Variants in OPN5 observed in about 807,000 individuals in gnomAD.
The protein encoded by OPN5 is opsin 5.
Under a neutral mutation model 41.7 loss-of-function variants are expected in OPN5, and 18 were observed. The ratio of observed to expected loss-of-function variants is 0.43; its 90% CI spans 0.30 to 0.64. OPN5 has a LOEUF of 0.64. Ranked by LOEUF, OPN5 falls within the 30% of genes least tolerant of loss-of-function variation. The pLI, the probability that OPN5 is intolerant of heterozygous loss-of-function variation, is 0.13. For synonymous variants in OPN5, 178 were observed against 164.3 expected (o/e 1.08, Z -0.64); for missense variants, 318 against 434.5 (o/e 0.73, Z 2.38).
intron 6 of OPN5, among the ~76,000 whole-genome samples, chr6:47,813,345 A>C (rs17552922): frequency 6.6e-6 from 1 of 152,164 alleles, no homozygotes; most frequent in Admixed American, 6.6e-5. Flanking sequence ...GATAATAACA[A>C]TAGTATCACA....
At chr6:47,795,203 G>A (rs768285782) in intron 3 of OPN5, 26 bp from the exon 4 acceptor site, 9 of 1,536,928 alleles carry the variant, frequency 5.9e-6, no homozygotes, top group East Asian at 4.6e-5. Flanking sequence ...GATTACATCC[G>A]GGTAATGCTT....
At chr6:47,807,012 C>G (rs940367498) in intron 4 of OPN5, among the ~76,000 whole-genome samples, 4 of 152,114 alleles carry the variant, frequency 2.6e-5, no homozygotes, top group Admixed American at 1.3e-4. Flanking sequence ...CAAAAATTAG[C>G]CAGGCATGGT....
At position 47,801,281 on chromosome 6, in the gene OPN5, A is replaced by G. The variant is rs962224172; in HGVS notation, c.756+5718A>G. On this transcript the variant is annotated intron_variant, in intron 4 of 6. Transcript: ENST00000371211. ...ATAATTGAATAAACTAAGTTAATCT[A>G]ATTACCTTGATGAATGTTAAGAGGT... Among the ~76,000 whole-genome samples the G allele has an allele frequency of 2.0e-5, 3 of 152,218 alleles. No homozygotes were observed. In the South Asian group the frequency reaches 6.2e-4, roughly 32 times the overall value.
At chr6:47,798,851 A>G (rs1352261218) in intron 4 of OPN5, among the ~76,000 whole-genome samples, 3 of 151,974 alleles carry the variant, frequency 2.0e-5, no homozygotes, top group African/African-American at 7.2e-5. Flanking sequence ...AGCCTTAGAA[A>G]CCTTTTTGCT....
At position 47,817,678 on chromosome 6, in the gene OPN5, C is replaced by T. The variant is rs189111083; in HGVS notation, c.1056+5947C>T. 6.6e-5 allele frequency among the ~76,000 whole-genome samples: 10 copies of T among 152,276 alleles called. No individual in the cohort carries two copies. The East Asian group carries it at 1.7e-3, about 26-fold the overall frequency. On this transcript the variant is annotated intron_variant, in intron 6 of 6. Transcript: ENST00000371211. ...ATTGAATTTGATTAAGTCAATGATT[C>T]TGTTAAGACTAATGTGTTTTTAAGT... is the stretch of plus-strand genomic sequence containing the variant.
At chr6:47,799,946 CT>C (rs200705448) in intron 4 of OPN5, among the ~76,000 whole-genome samples, 2 of 148,210 alleles carry the variant, frequency 1.3e-5, no homozygotes, top group African/African-American at 4.9e-5. Flanking sequence ...TTCAAAGTCA[CT>C]TTTTTTCCCC....
chr6:47,795,422 C>T (rs1773516906), exon 4 of OPN5: 9 of 1,614,190 alleles, frequency 5.6e-6, no homozygotes, highest in African/African-American at 4.0e-5. Flanking sequence ...ACATCCTCTT[C>T]TTCTGCCTCT....
intron 4 of OPN5, among the ~76,000 whole-genome samples, chr6:47,803,479 G>C (rs965041294): frequency 6.6e-6 from 1 of 152,180 alleles, no homozygotes; most frequent in Non-Finnish European, 1.5e-5. Flanking sequence ...GAGGCAGAAC[G>C]TGCATTCTTC....
At chr6:47,790,077 C>T (rs1001418248) in intron 2 of OPN5, among the ~76,000 whole-genome samples, 2 of 151,920 alleles carry the variant, frequency 1.3e-5, no homozygotes, top group African/African-American at 4.8e-5. Context: ...TTGGACCTCA[C>T]ATTTACTGAA....
Position 47,811,736 on chromosome 6 carries a change from GA to G in OPN5, c.1056+7del. Reference sequence around the variant, plus strand: ...GTGCTGGAAATTCATGAAGAGGTATGAAGATGGATACAGCATCACTATGGAC... The same window carrying G: ...GTGCTGGAAATTCATGAAGAGGTATGAGATGGATACAGCATCACTATGGAC... On this transcript the variant is annotated splice_donor_region_variant and intron_variant, in intron 6 of 6. Coordinates refer to ENST00000371211, the Ensembl canonical transcript of OPN5. 2 of 1,602,726 alleles carry G rather than the reference GA, an allele frequency of 1.2e-6. No homozygotes were observed. Among genetic ancestry groups the G allele is most frequent in the Middle Eastern group, 3.3e-4 (2 of 6,038 alleles).
At chr6:47,822,988 T>C (rs560159723) in intron 6 of OPN5, among the ~76,000 whole-genome samples, 10 of 152,178 alleles carry the variant, frequency 6.6e-5, no homozygotes, top group Non-Finnish European at 1.2e-4. Context: ...TTGGTTGCTC[T>C]GAGTAACACA....
rs761655222 is a variant in OPN5 at position 47,791,985 on chromosome 6, G to T, written c.421+13G>T. On this transcript the variant is annotated intron_variant, in intron 3 of 6. Coordinates refer to ENST00000371211, the Ensembl canonical transcript of OPN5. ...TATTTATCTTATGGTAAGTTGGCAG[G>T]TTTCTCATTCCCTGACAGTTAAAGC... The T allele has an allele frequency of 1.2e-6, 2 of 1,605,652 alleles. No homozygotes were observed. The highest frequency in any genetic ancestry group is 1.1e-5 in the South Asian group (1 of 90,814).
intron 5 of OPN5, among the ~76,000 whole-genome samples, chr6:47,809,653 T>A (rs1774116323): frequency 6.6e-6 from 1 of 152,182 alleles, no homozygotes; most frequent in Non-Finnish European, 1.5e-5. Flanking sequence ...GTTGTAAGAA[T>A]TAAGCAAAAT....
intron 3 of OPN5, 76 bp from the exon 4 acceptor site, chr6:47,795,153 G>A (rs1773501257): frequency 9.2e-7 from 1 of 1,089,432 alleles, no homozygotes. Context: ...TTTGGAGGTG[G>A]AATTTGACAT....
At chr6:47,798,650 A>G (rs1412237111) in intron 4 of OPN5, among the ~76,000 whole-genome samples, 1 of 151,676 alleles carries the variant, frequency 6.6e-6, no homozygotes, top group Non-Finnish European at 1.5e-5. Flanking sequence ...ACATAAACAC[A>G]AGTGTTTCTA....
intron 4 of OPN5, among the ~76,000 whole-genome samples, chr6:47,795,778 TCACACACACACACACA>T (rs57933636): frequency 1.4e-5 from 2 of 142,804 alleles, no homozygotes; most frequent in African/African-American, 5.4e-5. Context: ...TCTCTCTCTC[TCACACACACACACACA>T]CACACACACA....
intron 6 of OPN5, among the ~76,000 whole-genome samples, chr6:47,820,760 CA>C (rs1167525236): frequency 2.0e-5 from 3 of 151,980 alleles, no homozygotes; most frequent in Non-Finnish European, 4.4e-5. Flanking sequence ...AGTGGAAAAA[CA>C]AATAAGAAAG....
At chr6:47,810,337 G>A (rs1227948084) in intron 5 of OPN5, among the ~76,000 whole-genome samples, 1 of 152,164 alleles carries the variant, frequency 6.6e-6, no homozygotes, top group Non-Finnish European at 1.5e-5. Flanking sequence ...TCAGAGAAGA[G>A]CAGACGGGTG....
chr6:47,811,001 T>C (rs977385456), intron 5 of OPN5, among the ~76,000 whole-genome samples: 1 of 152,164 alleles, frequency 6.6e-6, no homozygotes, highest in Non-Finnish European at 1.5e-5. Context: ...CTCTTGTACA[T>C]TGTTGAAAGC....
Sources: allele counts gnomAD v4.1 joint callset (sites outside exome capture counted in the v4.1 genomes callset), GRCh38; gene constraint gnomAD v4.1.1; transcripts MANE v1.5; gene names NCBI Gene and HGNC (gene_info 2026-07-23, HGNC 2026-07-21).